The following CDH12 variants were observed in gnomAD, a reference collection of about 807,000 sequenced individuals.
CDH12 encodes the protein cadherin-12.
In CDH12, 41 loss-of-function variants were observed where a neutral mutation model predicts 74.1. That is an observed-to-expected ratio of 0.55 (90% CI 0.43 to 0.72). The LOEUF (loss-of-function observed/expected upper bound fraction) is 0.72, where lower values mean the gene tolerates loss of function less well. Among genes scored for constraint, CDH12 ranks in the 30% least tolerant of loss-of-function variants. CDH12 has a pLI of 0.00. For missense variants in CDH12, 945 were observed against 977.2 expected (o/e 0.97, Z 0.44); for synonymous variants, 399 against 355.0 (o/e 1.12, Z -1.39).
intron 3 of CDH12, among the ~76,000 whole-genome samples, chr5:22,301,877 C>T: frequency 6.6e-6 from 1 of 151,486 alleles, no homozygotes; most frequent in East Asian, 1.9e-4. Context: ...CCATGTTGCC[C>T]AGGCTGCTCT....
chr5:22,214,625 G>C (rs927663679), intron 3 of CDH12, among the ~76,000 whole-genome samples: 1 of 152,168 alleles, frequency 6.6e-6, no homozygotes, highest in African/African-American at 2.4e-5. Flanking sequence ...GTCCCATTCT[G>C]AGGATCTTAA....
chr5:22,449,120 C>G (rs1312686261), intron 2 of CDH12, among the ~76,000 whole-genome samples: 3 of 151,888 alleles, frequency 2.0e-5, no homozygotes, highest in Non-Finnish European at 4.4e-5. Flanking sequence ...TTTTGTTCAG[C>G]TGTTATGAGA....
chr5:21,922,926 A>G (rs989347425), intron 6 of CDH12, among the ~76,000 whole-genome samples: 6 of 133,938 alleles, frequency 4.5e-5, no homozygotes, highest in Non-Finnish European at 9.9e-5. Flanking sequence ...AAAAAGAAAG[A>G]TGTGTGTATG....
chr5:22,810,252 G>C (rs1749067657), intron 1 of CDH12, among the ~76,000 whole-genome samples: 1 of 152,008 alleles, frequency 6.6e-6, no homozygotes, highest in Non-Finnish European at 1.5e-5. Context: ...ATTCAACAAA[G>C]ATATACCGAG....
chr5:22,532,020 A>C (rs1480672849), intron 1 of CDH12, among the ~76,000 whole-genome samples: 1 of 152,050 alleles, frequency 6.6e-6, no homozygotes, highest in African/African-American at 2.4e-5. Context: ...AAATCCTGTA[A>C]AGTTAGGAAG....
chr5:22,385,697 T>C (rs1404279289), intron 3 of CDH12, among the ~76,000 whole-genome samples: 1 of 152,114 alleles, frequency 6.6e-6, no homozygotes, highest in African/African-American at 2.4e-5. Flanking sequence ...TGCACTGCTA[T>C]AAAGAACTAC....
chr5:22,169,795 T>C (rs559880428), intron 4 of CDH12, among the ~76,000 whole-genome samples: 1 of 152,052 alleles, frequency 6.6e-6, no homozygotes, highest in Non-Finnish European at 1.5e-5. Flanking sequence ...CTCTGTTTTA[T>C]ACATGAGAAA....
intron 1 of CDH12, among the ~76,000 whole-genome samples, chr5:22,743,947 G>T (rs1467799626): frequency 2.0e-5 from 3 of 151,580 alleles, no homozygotes; most frequent in Admixed American, 6.6e-5. Context: ...GCATTTTGTT[G>T]TTTGAAATAC....
chr5:22,742,087 C>G (rs1237697495), intron 1 of CDH12, among the ~76,000 whole-genome samples: 1 of 151,764 alleles, frequency 6.6e-6, no homozygotes, highest in Non-Finnish European at 1.5e-5. Flanking sequence ...GAGGCTGAGG[C>G]AGGAGAATCA....
At chr5:22,394,270 G>A (rs1324889173) in intron 3 of CDH12, among the ~76,000 whole-genome samples, 1 of 152,096 alleles carries the variant, frequency 6.6e-6, no homozygotes, top group Non-Finnish European at 1.5e-5. Flanking sequence ...CTCGTCTAAT[G>A]ATATGAATCA....
chr5:22,798,478 A>G (rs1006742772), intron 1 of CDH12, among the ~76,000 whole-genome samples: 2 of 152,128 alleles, frequency 1.3e-5, no homozygotes, highest in African/African-American at 4.8e-5. Context: ...CCTAAAATTT[A>G]TGATAAATAT....
intron 1 of CDH12, among the ~76,000 whole-genome samples, chr5:22,800,641 T>A (rs1238105146): frequency 6.6e-6 from 1 of 152,162 alleles, no homozygotes; most frequent in Non-Finnish European, 1.5e-5. Flanking sequence ...GTATCTACAA[T>A]CATAGTGTCA....
chr5:22,597,851 G>A (rs1168417387), intron 1 of CDH12, among the ~76,000 whole-genome samples: 1 of 152,032 alleles, frequency 6.6e-6, no homozygotes, highest in African/African-American at 2.4e-5. Context: ...AAGTAAATTG[G>A]TATTTTATCT....
rs34831771 is a variant in CDH12 at position 22,096,748 on chromosome 5, C to T, written c.-186-17886G>A. 9.0e-3 allele frequency among the ~76,000 whole-genome samples: 1,365 copies of T among 152,200 alleles called. 10 individuals are homozygous for T. Among genetic ancestry groups the T allele is most frequent in the Non-Finnish European group, 0.014 (951 of 68,006 alleles). On this transcript the variant is annotated intron_variant, in intron 4 of 14. Transcript: ENST00000382254. ...GGCTCTTTTTCATCAAATATAAAAA[C>T]GCAGCCCAGTTCATGGCCCCTTTAG...
At chr5:22,528,151 C>A (rs1357975090) in intron 1 of CDH12, among the ~76,000 whole-genome samples, 1 of 152,154 alleles carries the variant, frequency 6.6e-6, no homozygotes, top group African/African-American at 2.4e-5. Context: ...ATGGTCATAG[C>A]CTGTCCAGAA....
chr5:22,078,284 A>C (rs1742470727), intron 5 of CDH12, among the ~76,000 whole-genome samples, 162 bp downstream of exon 5: 1 of 152,128 alleles, frequency 6.6e-6, no homozygotes, highest in Admixed American at 6.6e-5. Context: ...TCTGAAGCTT[A>C]CCCGGGCCAT....
At chr5:22,829,672 C>T (rs1736494750) in intron 1 of CDH12, among the ~76,000 whole-genome samples, 2 of 152,186 alleles carry the variant, frequency 1.3e-5, no homozygotes, top group Non-Finnish European at 2.9e-5. Context: ...TTTTCTATTT[C>T]TGTTCTCACA....
At chr5:22,017,853 G>A (rs970998794) in intron 5 of CDH12, among the ~76,000 whole-genome samples, 5 of 151,128 alleles carry the variant, frequency 3.3e-5, no homozygotes, top group South Asian at 2.1e-4. Context: ...CCTGCCTCCC[G>A]AGTTCAAGCA....
At chr5:22,273,941 A>G (rs911688095) in intron 3 of CDH12, among the ~76,000 whole-genome samples, 1 of 152,188 alleles carries the variant, frequency 6.6e-6, no homozygotes, top group Non-Finnish European at 1.5e-5. Flanking sequence ...TATAATCATG[A>G]GCATTTATCA....
Sources: allele counts gnomAD v4.1 joint callset (sites outside exome capture counted in the v4.1 genomes callset), GRCh38; gene constraint gnomAD v4.1.1; transcripts MANE v1.5; gene names NCBI Gene and HGNC (gene_info 2026-07-23, HGNC 2026-07-21).